NF1: variants seen among roughly 807,000 people sequenced by gnomAD.
NF1 encodes neurofibromin.
NF1 carries 122 observed loss-of-function variants against 325.7 expected under a neutral mutation model. The ratio of observed to expected loss-of-function variants is 0.37; its 90% CI spans 0.32 to 0.44. The LOEUF (loss-of-function observed/expected upper bound fraction) is 0.44. Ranked by LOEUF, NF1 falls within the 20% of genes least tolerant of loss-of-function variation. The pLI, the probability that NF1 is intolerant of heterozygous loss-of-function variation, is 1.00. For missense variants in NF1, 2,140 were observed against 3,415.4 expected, an observed-to-expected ratio of 0.63 and a Z score of 9.31; for synonymous variants, 1,091 against 1,186.0, an observed-to-expected ratio of 0.92 and a Z score of 1.65.
intron 36 of NF1, chr17:31,272,909 T>C (rs1217616615): frequency 1.3e-5 from 2 of 152,220 alleles, no homozygotes; most frequent in Non-Finnish European, 2.9e-5. Flanking sequence ...AAAGCTTCCC[T>C]TTCTTTGTTG....
intron 18 of NF1, 23 bp downstream of exon 18, chr17:31,226,707 T>C: frequency 6.2e-7 from 1 of 1,613,128 alleles, no homozygotes; most frequent in Non-Finnish European, 8.5e-7. Flanking sequence ...AGTGGTTTTT[T>C]TTACTCAGTC....
chr17:31,197,505 G>GT (rs1485493187), intron 8 of NF1, among the ~76,000 whole-genome samples: 1 of 151,878 alleles, frequency 6.6e-6, no homozygotes, highest in African/African-American at 2.4e-5. Flanking sequence ...ATGTTTTGTA[G>GT]TTTTTTATTA....
At chr17:31,154,448 G>T (rs1226006282) in intron 1 of NF1, among the ~76,000 whole-genome samples, 1 of 151,980 alleles carries the variant, frequency 6.6e-6, no homozygotes, top group Non-Finnish European at 1.5e-5. Context: ...AAGGAGATAT[G>T]GTCACAAAGA....
chr17:31,112,603 C>A (rs62068817), intron 1 of NF1, among the ~76,000 whole-genome samples: 1 of 152,040 alleles, frequency 6.6e-6, no homozygotes, highest in Non-Finnish European at 1.5e-5. Flanking sequence ...AGCTGTTTAT[C>A]TCTTTTGCCC....
chr17:31,269,916 G>A (rs538335707), intron 36 of NF1, among the ~76,000 whole-genome samples: 1 of 152,320 alleles, frequency 6.6e-6, no homozygotes, highest in South Asian at 2.1e-4. Flanking sequence ...GGAATGCAGT[G>A]GTAAAGCCAG....
At chr17:31,296,585 T>C in intron 36 of NF1, 1 of 485,708 alleles carries the variant, frequency 2.1e-6, no homozygotes, top group Non-Finnish European at 3.8e-6. Context: ...CTTTATTTTC[T>C]CTCTCCCTCC....
Position 31,376,183 on chromosome 17 carries a change from C to T in NF1, c.*2028C>T. ...TGGGGTAAGTTTCACAGTTTCTAGG[C>T]CCTGGAATAGCAGGCAGTGTAAGCC... On this transcript the variant is annotated 3_prime_UTR_variant, in exon 58 of 58. Coordinates refer to ENST00000358273, the MANE Select transcript of NF1 (RefSeq NM_001042492.3). 1 of 233,034 alleles carries T rather than the reference C, an allele frequency of 4.3e-6. No individual in the cohort carries two copies. Among genetic ancestry groups the T allele is most frequent in the Non-Finnish European group, 8.5e-6 (1 of 117,932 alleles). 14.4% of individuals were successfully genotyped at this position (233,034 alleles called of 1,614,324 possible). A position where few individuals can be genotyped will look rare whatever the true frequency, so the allele number is the denominator to read the frequency against.
intron 36 of NF1, chr17:31,295,462 G>C: frequency 6.2e-7 from 1 of 1,614,140 alleles, no homozygotes; most frequent in Non-Finnish European, 8.5e-7. Flanking sequence ...CACTCAGAGA[G>C]TTAATGGTGT....
chr17:31,109,373 C>A (rs1183008608), intron 1 of NF1, among the ~76,000 whole-genome samples: 3 of 151,710 alleles, frequency 2.0e-5, no homozygotes, highest in Admixed American at 6.6e-5. Flanking sequence ...ATTTGAAGAT[C>A]ATTTTCTTTT....
intron 8 of NF1, among the ~76,000 whole-genome samples, chr17:31,186,180 G>A (rs1296061901): frequency 6.6e-6 from 1 of 152,114 alleles, no homozygotes; most frequent in South Asian, 2.1e-4. Flanking sequence ...AGTTACATGA[G>A]GAAGTGGCTC....
chr17:31,230,394 A>G lies in NF1; in HGVS notation c.3113+12A>G, dbSNP rs1473649252. The G allele has an allele frequency of 6.2e-7, 1 of 1,613,308 alleles. No individual in the cohort carries two copies. The highest frequency in any genetic ancestry group is 1.3e-5 in the African/African-American group (1 of 75,004). ...GAGATGAAATTTAGGTGAGTTCTCA[A>G]AAGAGCAATGTAGGGTCTTGTAAAT... On this transcript the variant is annotated intron_variant, in intron 23 of 57. Coordinates refer to ENST00000358273, the MANE Select transcript of NF1 (RefSeq NM_001042492.3).
At chr17:31,218,562 T>C (rs566257890) in intron 13 of NF1, among the ~76,000 whole-genome samples, 15 of 150,628 alleles carry the variant, frequency 1.0e-4, no homozygotes, top group South Asian at 2.1e-4. Flanking sequence ...TTCTTTCTTT[T>C]TTTTCTTTTT....
chr17:31,113,894 T>A (rs1352774933), intron 1 of NF1, among the ~76,000 whole-genome samples: 1 of 152,338 alleles, frequency 6.6e-6, no homozygotes, highest in Non-Finnish European at 1.5e-5. Flanking sequence ...AATGAGGATG[T>A]CCTTACCCTC....
chr17:31,118,645 A>G (rs760411737), intron 1 of NF1, among the ~76,000 whole-genome samples: 11 of 152,168 alleles, frequency 7.2e-5, no homozygotes, highest in Non-Finnish European at 1.5e-4. Flanking sequence ...GTTGCATGGT[A>G]TTCCATGGTG....
chr17:31,171,886 C>T (rs1230718823), intron 5 of NF1, among the ~76,000 whole-genome samples: 2 of 152,026 alleles, frequency 1.3e-5, no homozygotes, highest in Non-Finnish European at 2.9e-5. Context: ...CCCTAAGGAG[C>T]TCATGGCATG....
rs750853247 is a variant in NF1 at position 31,318,929 on chromosome 17, T to C, written c.4836-6891T>C. On this transcript the variant is annotated intron_variant, in intron 36 of 57. Coordinates refer to ENST00000358273, the MANE Select transcript of NF1 (RefSeq NM_001042492.3). Reference sequence around the variant, plus strand: ...GCCCACAGACGGGTATAGTTTGCTTTTGTTCCAGGAGACAAAGAAAAAACT... The same window carrying C: ...GCCCACAGACGGGTATAGTTTGCTTCTGTTCCAGGAGACAAAGAAAAAACT... The C allele has an allele frequency of 5.6e-6, 9 of 1,613,886 alleles. No homozygotes were observed. The South Asian group carries it at 9.9e-5, about 18-fold the overall frequency.
At chr17:31,340,457 C>T (rs2069787111) in intron 46 of NF1, 48 bp from the exon 47 acceptor site, 1 of 1,612,786 alleles carries the variant, frequency 6.2e-7, no homozygotes, top group Non-Finnish European at 8.5e-7. Flanking sequence ...TTGAAAGAGA[C>T]TATGTCATGA....
intron 16 of NF1, 50 bp from the exon 17 acceptor site, chr17:31,225,045 C>T (rs2066987868): frequency 1.3e-6 from 2 of 1,597,146 alleles, no homozygotes; most frequent in East Asian, 2.2e-5. Context: ...GTGTTTATTC[C>T]TCTTGGTTGT....
rs1555614022 is a variant in NF1, at chr17:31,227,607, G to C, written c.2409+1G>C. The C allele has an allele frequency of 6.2e-7, 1 of 1,613,370 alleles. No homozygotes were observed. The highest frequency in any genetic ancestry group is 8.5e-7 in the Non-Finnish European group (1 of 1,179,466). ...AAAAGCCAAAATGGAAGATGGCCAG[G>C]TAAGTCTGTAAAGTTGACTTTTGTC... On this transcript the variant is annotated splice_donor_variant, in intron 20 of 57. Coordinates refer to ENST00000358273, the MANE Select transcript of NF1 (RefSeq NM_001042492.3). LOFTEE classifies it high-confidence loss of function.
Sources: gnomAD v4.1 joint callset for allele counts (sites outside exome capture counted in the v4.1 genomes callset) on GRCh38, gnomAD v4.1.1 for gene constraint, MANE v1.5 for transcripts, NCBI Gene and HGNC (gene_info 2026-07-23, HGNC 2026-07-21) for gene names.